MYCBP2: variants seen among roughly 807,000 people sequenced by gnomAD.
MYCBP2 encodes E3 ubiquitin-protein ligase MYCBP2.
In MYCBP2, 120 loss-of-function variants were observed where a neutral mutation model predicts 525.3. That is an observed-to-expected ratio of 0.23 (90% CI 0.20 to 0.27). The LOEUF (loss-of-function observed/expected upper bound fraction) is 0.27. Ranked by LOEUF, MYCBP2 falls within the 10% of genes least tolerant of loss-of-function variation. The pLI is 1.00. For missense variants in MYCBP2, 4,149 were observed against 5,657.1 expected (o/e 0.73, Z 8.55); for synonymous variants, 1,894 against 1,955.8 (o/e 0.97, Z 0.83).
At chr13:77,215,773 G>A (rs1444877439) in intron 21 of MYCBP2, among the ~76,000 whole-genome samples, 1 of 152,132 alleles carries the variant, frequency 6.6e-6, no homozygotes, top group Non-Finnish European at 1.5e-5. Flanking sequence ...TAGAGATGGG[G>A]TCTCACTATG....
At position 77,081,497 on chromosome 13, in the gene MYCBP2, G is replaced by C. The variant is rs2043305284; in HGVS notation, c.11348C>G (p.Thr3783Ser). 6.2e-7 allele frequency: 1 copy of C among 1,613,170 alleles called. No individual in the cohort carries two copies. Among genetic ancestry groups the C allele is most frequent in the Non-Finnish European group, 8.5e-7 (1 of 1,179,864 alleles). ...ATTGATTCCTTTTACACAGTTGATGGTGATGTTCTTAGTTTTGTTTTTATC... is the reference window on the plus strand; with the variant it reads ...ATTGATTCCTTTTACACAGTTGATGCTGATGTTCTTAGTTTTGTTTTTATC... Reference protein sequence around the residue: ...DEDKNKTKNITINCVKGINAR... With the variant: ...DEDKNKTKNISINCVKGINAR... Residue 3783 changes from threonine to serine, a missense_variant, in exon 65 of 83, where the codon ACC becomes AGC. Physicochemically the swap from Thr to Ser is moderately conservative, Grantham distance 58 (BLOSUM62 1). Around this residue, in one of 21 missense-constraint regions of MYCBP2, gnomAD observed 509 missense variants for 789.4 expected, o/e 0.64. Coordinates refer to ENST00000544440, the MANE Select transcript of MYCBP2 (RefSeq NM_015057.5). The surrounding 1 kb of genome is among the most constrained non-coding windows in gnomAD (Gnocchi z 4.6).
At chr13:77,152,878 A>G (rs2056687236) in intron 46 of MYCBP2, among the ~76,000 whole-genome samples, 1 of 152,026 alleles carries the variant, frequency 6.6e-6, no homozygotes. Flanking sequence ...ATCCTGGCTA[A>G]CACGGTGAAA....
rs946795844 is a variant in MYCBP2 at position 77,139,887 on chromosome 13, G to A, written c.7518+160C>T. Among the ~76,000 whole-genome samples the A allele has an allele frequency of 2.0e-5, 3 of 152,138 alleles. No homozygotes were observed. The East Asian group carries it at 5.8e-4, about 29-fold the overall frequency. On this transcript the variant is annotated intron_variant, in intron 51 of 82. Coordinates refer to ENST00000544440, the MANE Select transcript of MYCBP2 (RefSeq NM_015057.5). ...TTTTTAATGATAAAATAAATGAAAT[G>A]TTTGAAACTCAATGAACACATTCTA... is the stretch of plus-strand genomic sequence containing the variant.
chr13:77,199,233 C>T (rs1031552436), intron 26 of MYCBP2, among the ~76,000 whole-genome samples: 24 of 152,074 alleles, frequency 1.6e-4, no homozygotes, highest in African/African-American at 4.6e-4. Flanking sequence ...ACTCGGGAAG[C>T]GCAAGGGGTC....
intron 26 of MYCBP2, among the ~76,000 whole-genome samples, chr13:77,202,303 A>C (rs1158244482): frequency 2.0e-5 from 3 of 152,230 alleles, no homozygotes; most frequent in African/African-American, 7.2e-5. Flanking sequence ...GAAATGGATA[A>C]GGGATTCCTG....
Position 77,097,779 on chromosome 13 carries a change from C to T in MYCBP2, c.9375G>A (p.Lys3125=). The T allele has an allele frequency of 6.2e-7, 1 of 1,613,738 alleles. No individual in the cohort carries two copies. Among genetic ancestry groups the T allele is most frequent in the Non-Finnish European group, 8.5e-7 (1 of 1,179,816 alleles). The change falls in exon 56 of 83, where the codon AAG becomes AAA. Residue 3125 remains lysine (K), a synonymous_variant. Coordinates refer to ENST00000544440, the MANE Select transcript of MYCBP2 (RefSeq NM_015057.5). ...CACATTTTTCATGCAGAGGTGGTTCCTTAAGCATAGACAATACCTTGTTTT... is the reference window on the plus strand; with the variant it reads ...CACATTTTTCATGCAGAGGTGGTTCTTTAAGCATAGACAATACCTTGTTTT... ...INKNKVLSML[K]EPPLHEKCED...
At position 77,181,795 on chromosome 13, in the gene MYCBP2, A is replaced by G. The variant is rs2060243914; in HGVS notation, c.4847T>C (p.Leu1616Pro). 3 of 1,614,158 alleles carry G rather than the reference A, an allele frequency of 1.9e-6. No homozygotes were observed. Among genetic ancestry groups the G allele is most frequent in the Middle Eastern group, 1.6e-4 (1 of 6,062 alleles). The change falls in exon 33 of 83, where the codon CTA becomes CCA. Residue 1616 changes from leucine (L) to proline (P), a missense_variant. Physicochemically the swap from Leu to Pro is moderately conservative, Grantham distance 98 (BLOSUM62 -3). Around this residue, in one of 21 missense-constraint regions of MYCBP2, gnomAD observed 292 missense variants for 330.5 expected, o/e 0.88. Coordinates refer to ENST00000544440, the MANE Select transcript of MYCBP2 (RefSeq NM_015057.5). ...FPIAYDGEVL[L>P]RSIVKQVSTE... The stretch of plus-strand genomic sequence containing the variant: ...ACTAACTTGTTTAACAATTGATCGT[A>G]GTAATACTTCTCCATCATACGCAAT...
chr13:77,176,358 C>T, intron 36 of MYCBP2, 139 bp downstream of exon 36: 2 of 577,460 alleles, frequency 3.5e-6, no homozygotes, highest in East Asian at 6.5e-5. Flanking sequence ...AGTAGGTACT[C>T]CATAAATATT....
At chr13:77,266,755 A>G (rs2074155123) in intron 8 of MYCBP2, among the ~76,000 whole-genome samples, 1 of 149,790 alleles carries the variant, frequency 6.7e-6, no homozygotes, top group Admixed American at 6.6e-5. Context: ...TGAAAAAAAA[A>G]AAAAAAAAAA....
intron 15 of MYCBP2, among the ~76,000 whole-genome samples, chr13:77,248,698 G>C (rs191363128): frequency 1.5e-3 from 235 of 152,282 alleles, no homozygotes; most frequent in African/African-American, 5.3e-3. Context: ...GTGAAAAATA[G>C]TATGGCAGTT....
intron 55 of MYCBP2, among the ~76,000 whole-genome samples, chr13:77,118,135 T>C (rs1334501861): frequency 6.6e-6 from 1 of 152,164 alleles, no homozygotes; most frequent in Non-Finnish European, 1.5e-5. Context: ...TAGTCATGCA[T>C]ATGAACTTTA....
At chr13:77,171,242 T>C (rs911521453) in intron 38 of MYCBP2, among the ~76,000 whole-genome samples, 1 of 152,196 alleles carries the variant, frequency 6.6e-6, no homozygotes, top group East Asian at 1.9e-4. Flanking sequence ...TTAACTCAAA[T>C]ACAATTTTTC....
In MYCBP2 at chr13:77,210,393, T is replaced by C. The variant is rs367974168; in HGVS notation, c.3416+774A>G. Among the ~76,000 whole-genome samples the C allele has an allele frequency of 3.8e-3, 572 of 152,026 alleles. 2 individuals carry two copies. The highest frequency in any genetic ancestry group is 5.4e-3 in the African/African-American group (226 of 41,502). ...ATTTTTAGTAGAGACAGGGTTTCAC[T>C]GTGTTAGCCAGGATGGTCTCGATCT... is the stretch of plus-strand genomic sequence containing the variant. On this transcript the variant is annotated intron_variant, in intron 23 of 82. Coordinates refer to ENST00000544440, the MANE Select transcript of MYCBP2 (RefSeq NM_015057.5).
intron 32 of MYCBP2, 87 bp downstream of exon 32, chr13:77,185,013 TAAG>T: frequency 8.5e-7 from 1 of 1,182,662 alleles, no homozygotes. Context: ...TTATACAAGT[TAAG>T]AAGATATGGC....
chr13:77,048,537 G>A (rs952715972), intron 82 of MYCBP2, among the ~76,000 whole-genome samples: 1 of 152,074 alleles, frequency 6.6e-6, no homozygotes, highest in Non-Finnish European at 1.5e-5. Context: ...TTCTATTCCA[G>A]TTCTCTAAAT....
rs545404824 is a variant in MYCBP2, at chr13:77,096,082, A to C, written c.9954+230T>G. 4.7e-4 allele frequency among the ~76,000 whole-genome samples: 71 copies of C among 152,288 alleles called. 2 individuals are homozygous for C. The South Asian group carries it at 0.015, about 32-fold the overall frequency. ...GTTACACAACAAATATTTGTCAATAAGGCATATGTAGCAGAGGTTATCTAG... is the reference window on the plus strand; with the variant it reads ...GTTACACAACAAATATTTGTCAATACGGCATATGTAGCAGAGGTTATCTAG... On this transcript the variant is annotated intron_variant, in intron 57 of 82. Coordinates refer to ENST00000544440, the MANE Select transcript of MYCBP2 (RefSeq NM_015057.5).
intron 8 of MYCBP2, among the ~76,000 whole-genome samples, chr13:77,265,274 A>G (rs1001073234): frequency 6.6e-6 from 1 of 152,112 alleles, no homozygotes; most frequent in African/African-American, 2.4e-5. Flanking sequence ...GGCGCAAGAA[A>G]GATGCTTCTC....
chr13:77,294,107 T>TATATATATATATATAC (rs1555465501), intron 2 of MYCBP2, among the ~76,000 whole-genome samples: 21 of 43,904 alleles, frequency 4.8e-4, no homozygotes, highest in Non-Finnish European at 1.2e-3. Context: ...ATAATGGCTA[T>TATATATATATATATAC]ATATATATAT....
chr13:77,258,357 G>T (rs1030689894), intron 13 of MYCBP2, among the ~76,000 whole-genome samples: 4 of 152,036 alleles, frequency 2.6e-5, no homozygotes, highest in Non-Finnish European at 5.9e-5. Context: ...ACTTATTCAT[G>T]TATTACTTTC....
Sources: allele counts gnomAD v4.1 joint callset (sites outside exome capture counted in the v4.1 genomes callset), GRCh38; gene constraint gnomAD v4.1.1; regional missense constraint gnomAD v4.1.1; non-coding constraint Gnocchi (gnomAD v3.1); transcripts MANE v1.5; gene names NCBI Gene and HGNC (gene_info 2026-07-23, HGNC 2026-07-21).